Variants in IL16 observed in about 807,000 individuals in gnomAD.
IL16 encodes pro-interleukin-16.
A neutral mutation model predicts 110.1 loss-of-function variants in IL16; 67 were observed. That is an observed-to-expected ratio of 0.61 (90% CI 0.50 to 0.75). The LOEUF is 0.75. IL16 is among the 30% of genes least tolerant of loss of function. IL16 has a pLI of 0.00. For missense variants in IL16, 1,545 were observed against 1,655.0 expected (o/e 0.93, Z 1.15); for synonymous variants, 689 against 662.9 (o/e 1.04, Z -0.61).
chr15:81,262,704 G>T (rs1194299373), intron 3 of IL16, among the ~76,000 whole-genome samples: 1 of 152,166 alleles, frequency 6.6e-6, no homozygotes, highest in Non-Finnish European at 1.5e-5. Flanking sequence ...GGCCGAGGTG[G>T]GTGGATCACC....
intron 3 of IL16, among the ~76,000 whole-genome samples, chr15:81,264,668 C>T (rs2142210625): frequency 6.6e-6 from 1 of 152,274 alleles, no homozygotes; most frequent in Middle Eastern, 3.4e-3. Context: ...CTCCTGGCCT[C>T]TAGAACGGAA....
chr15:81,248,157 G>A (rs1488674202), intron 2 of IL16, among the ~76,000 whole-genome samples: 4 of 152,112 alleles, frequency 2.6e-5, no homozygotes, highest in Non-Finnish European at 5.9e-5. Context: ...TATATCCTGA[G>A]TTTATCTCTA....
In IL16 at chr15:81,282,704, T is replaced by G; in HGVS notation, c.1147T>G (p.Phe383Val). 6.2e-7 allele frequency: 1 copy of G among 1,614,174 alleles called. No homozygotes were observed. Among genetic ancestry groups the G allele is most frequent in the African/African-American group, 1.3e-5 (1 of 75,062 alleles). Reference protein sequence around the residue: ...VPYFQCISGIFVHTLSPGSVA... With the variant: ...VPYFQCISGIVVHTLSPGSVA... ...CTACTTCCAATGCATCTCTGGCATT[T>G]TCGTCCACACGCTGTCACCAGGATC... The change falls in exon 9 of 19, where the codon TTC becomes GTC. Residue 383 changes from phenylalanine (F) to valine (V), a missense_variant. Physicochemically the swap from Phe to Val is conservative, Grantham distance 50 (BLOSUM62 -1). This residue lies in a region of IL16 where 1,185 missense variants were observed against 1,238.8 expected (regional missense o/e 0.96). Transcript: ENST00000683961.
chr15:81,233,486 T>C (rs1897081105), intron 2 of IL16, among the ~76,000 whole-genome samples: 2 of 148,992 alleles, frequency 1.3e-5, no homozygotes, highest in South Asian at 4.2e-4. Flanking sequence ...TGTGTGTGTG[T>C]GTGTGTGTGT....
chr15:81,186,939 G>A (rs58168098), intron 1 of IL16, among the ~76,000 whole-genome samples: 3,104 of 152,172 alleles, frequency 0.02, 86 homozygotes, highest in African/African-American at 0.062. Context: ...GATTACAAGA[G>A]TGAGCCACCA....
chr15:81,187,100 A>G (rs1895430697), intron 1 of IL16, among the ~76,000 whole-genome samples: 1 of 152,216 alleles, frequency 6.6e-6, no homozygotes, highest in African/African-American at 2.4e-5. Context: ...GAGGCAGACT[A>G]TGTGTGTGCA....
At chr15:81,277,682 G>A (rs115538998) in intron 6 of IL16, among the ~76,000 whole-genome samples, 2,362 of 152,202 alleles carry the variant, frequency 0.016, 56 homozygotes, top group African/African-American at 0.054. Flanking sequence ...CTCACAAAGC[G>A]CTGGGATTAG....
At chr15:81,278,028 T>C (rs1898992692) in intron 6 of IL16, among the ~76,000 whole-genome samples, 1 of 146,820 alleles carries the variant, frequency 6.8e-6, no homozygotes, top group Non-Finnish European at 1.5e-5. Flanking sequence ...AAGATCCAAG[T>C]CCTATTTATT....
At chr15:81,287,887 G>A (rs1899520695) in intron 10 of IL16, among the ~76,000 whole-genome samples, 1 of 152,192 alleles carries the variant, frequency 6.6e-6, no homozygotes, top group Non-Finnish European at 1.5e-5. Context: ...CTAAATCTCT[G>A]GACAATACAA....
At chr15:81,290,925 T>C (rs1010448387) in intron 11 of IL16, among the ~76,000 whole-genome samples, 5 of 152,260 alleles carry the variant, frequency 3.3e-5, no homozygotes, top group African/African-American at 1.2e-4. Flanking sequence ...TTTGGGAATA[T>C]AATTCTGACA....
In IL16 at chr15:81,285,839, C is replaced by A. The variant is rs1899425484; in HGVS notation, c.1332+9C>A. 1 of 1,613,850 alleles carries A rather than the reference C, an allele frequency of 6.2e-7. No individual in the cohort carries two copies. The highest frequency in any genetic ancestry group is 8.5e-7 in the Non-Finnish European group (1 of 1,179,862). ...GACATCCAGACCCACAGGTAACACCCACTGGGTTATCCTCTTCTTCTCAGG... is the reference window on the plus strand; with the variant it reads ...GACATCCAGACCCACAGGTAACACCAACTGGGTTATCCTCTTCTTCTCAGG... On this transcript the variant is annotated intron_variant, in intron 10 of 18. Transcript: ENST00000683961.
intron 1 of IL16, among the ~76,000 whole-genome samples, chr15:81,191,230 C>G (rs777689221): frequency 2.0e-5 from 3 of 152,200 alleles, no homozygotes; most frequent in Non-Finnish European, 4.4e-5. Context: ...GCTCTTGGAA[C>G]TAAACTCTCT....
rs1900717703 is a variant in IL16, at chr15:81,309,015, A to T, written c.*217A>T. On this transcript the variant is annotated 3_prime_UTR_variant, in exon 19 of 19. Transcript: ENST00000683961. The stretch of plus-strand genomic sequence containing the variant: ...GAGTCACACGGGGGCAGCTGATACA[A>T]ATTGCAGACTGTGTAAAAAGAGAGC... 1.7e-5 allele frequency: 8 copies of T among 478,412 alleles called. No homozygotes were observed. The highest frequency in any genetic ancestry group is 5.2e-4 in the Middle Eastern group (1 of 1,914). 29.6% of individuals were successfully genotyped at this position (478,412 alleles called of 1,614,324 possible).
chr15:81,223,630 G>A (rs1211728973), intron 1 of IL16, among the ~76,000 whole-genome samples: 1 of 152,206 alleles, frequency 6.6e-6, no homozygotes, highest in Non-Finnish European at 1.5e-5. Flanking sequence ...CTACCACAGA[G>A]TTTATGAGAA....
intron 6 of IL16, among the ~76,000 whole-genome samples, chr15:81,277,376 T>C (rs1323703372): frequency 6.6e-6 from 1 of 152,200 alleles, no homozygotes; most frequent in African/African-American, 2.4e-5. Flanking sequence ...CACAAAATGT[T>C]TCCTTTCTCT....
At chr15:81,290,887 T>C (rs1899684874) in intron 11 of IL16, among the ~76,000 whole-genome samples, 1 of 152,258 alleles carries the variant, frequency 6.6e-6, no homozygotes, top group Non-Finnish European at 1.5e-5. Context: ...CCCTAGTTTA[T>C]AATAATAGAA....
chr15:81,237,812 T>C (rs1226354730), intron 2 of IL16, among the ~76,000 whole-genome samples: 1 of 152,040 alleles, frequency 6.6e-6, no homozygotes, highest in Non-Finnish European at 1.5e-5. Context: ...ATGTTTCAAG[T>C]GAGTTTCTTA....
chr15:81,195,878 C>T (rs9783700), upstream of IL16, among the ~76,000 whole-genome samples: 6,483 of 152,212 alleles, frequency 0.043, 471 homozygotes, highest in African/African-American at 0.15. Context: ...CAAGGGGCTA[C>T]GTGGGGGAAA....
intron 2 of IL16, among the ~76,000 whole-genome samples, chr15:81,229,166 C>T (rs1297289362): frequency 1.3e-5 from 2 of 152,112 alleles, no homozygotes; most frequent in African/African-American, 2.4e-5. Context: ...TGACAATGCT[C>T]AGAGGATAAT....
Sources: allele counts gnomAD v4.1 joint callset (sites outside exome capture counted in the v4.1 genomes callset), GRCh38; gene constraint gnomAD v4.1.1; regional missense constraint gnomAD v4.1.1; transcripts MANE v1.5; gene names NCBI Gene and HGNC (gene_info 2026-07-23, HGNC 2026-07-21).